The following MEGF10 variants were observed in gnomAD, a reference collection of about 807,000 sequenced individuals.
MEGF10 encodes the protein multiple EGF like domains 10.
Under a neutral mutation model 147.5 loss-of-function variants are expected in MEGF10, and 86 were observed. That is an observed-to-expected ratio of 0.58 (90% CI 0.49 to 0.70). The LOEUF (loss-of-function observed/expected upper bound fraction) is 0.70. MEGF10 is among the 30% of genes least tolerant of loss of function. The probability of loss-of-function intolerance (pLI) is 0.00; values close to 1 mark genes in which losing one functional copy is unlikely to be tolerated. For synonymous variants in MEGF10, 478 were observed against 525.5 expected, an observed-to-expected ratio of 0.91 and a Z score of 1.24; for missense variants, 1,329 against 1,487.3, an observed-to-expected ratio of 0.89 and a Z score of 1.75.
At chr5:127,386,382 A>G (rs977454224) in intron 5 of MEGF10, among the ~76,000 whole-genome samples, 1 of 152,204 alleles carries the variant, frequency 6.6e-6, no homozygotes, top group Non-Finnish European at 1.5e-5. Flanking sequence ...TCCAGATTTT[A>G]TTTATGACAT....
chr5:127,396,538 A>G lies in MEGF10; in HGVS notation c.419A>G (p.Asp140Gly). ...WGGTNCSSAC[D>G]GDHWGPHCTS... ...TTTCTCTCCTCAATCTCAGCCTGCG[A>G]TGGTGATCACTGGGGTCCCCACTGC... Residue 140 changes from aspartate to glycine, a missense_variant, in exon 6 of 25, where the codon GAT (aspartate) becomes GGT (glycine). Around this residue, in one of 3 missense-constraint regions of MEGF10, gnomAD observed 980 missense variants for 1,085.9 expected, o/e 0.90. Coordinates refer to ENST00000503335, the MANE Select transcript of MEGF10 (RefSeq NM_001256545.2). 2 of 1,541,510 alleles carry G rather than the reference A, an allele frequency of 1.3e-6. No homozygotes were observed. The highest frequency in any genetic ancestry group is 2.3e-5 in the East Asian group (1 of 43,592).
At chr5:127,337,496 C>G (rs1761513827) in intron 2 of MEGF10, among the ~76,000 whole-genome samples, 1 of 152,008 alleles carries the variant, frequency 6.6e-6, no homozygotes. Flanking sequence ...CCTCAGGACA[C>G]CGCTAGGGTT....
chr5:127,275,917 T>G, the MEGF10 span, among the ~76,000 whole-genome samples: 1 of 152,176 alleles, frequency 6.6e-6, no homozygotes, highest in African/African-American at 2.4e-5. Flanking sequence ...AGGATTGGTT[T>G]CACTCACCAA....
At position 127,417,813 on chromosome 5, in the gene MEGF10, G is replaced by C; in HGVS notation, c.1305+1G>C. ...GTGCACCTGTGCCCCAGGATTCAAAGTGAGTGACTAGGGCTCTGGAGGAAG... is the reference window on the plus strand; with the variant it reads ...GTGCACCTGTGCCCCAGGATTCAAACTGAGTGACTAGGGCTCTGGAGGAAG... On this transcript the variant is annotated splice_donor_variant, in intron 10 of 24. Transcript: ENST00000503335. LOFTEE classifies it high-confidence loss of function. The C allele has an allele frequency of 1.2e-6, 2 of 1,613,672 alleles. No individual in the cohort carries two copies. Among genetic ancestry groups the C allele is most frequent in the Non-Finnish European group, 1.7e-6 (2 of 1,179,978 alleles).
rs919129038 is a variant in MEGF10 at position 127,393,592 on chromosome 5, A to T, written c.413-2940A>T. On this transcript the variant is annotated intron_variant, in intron 5 of 24. Coordinates refer to ENST00000503335, the MANE Select transcript of MEGF10 (RefSeq NM_001256545.2). Reference sequence around the variant, plus strand: ...TAGACCATGTTGATGTATGGTATTCACATTGTGAGGTCCATGTATTAGTGG... The same window carrying T: ...TAGACCATGTTGATGTATGGTATTCTCATTGTGAGGTCCATGTATTAGTGG... Among the ~76,000 whole-genome samples the T allele has an allele frequency of 7.9e-5, 12 of 152,350 alleles. No homozygotes were observed. The East Asian group carries it at 2.3e-3, about 29-fold the overall frequency.
the MEGF10 span, among the ~76,000 whole-genome samples, chr5:127,263,109 AT>A: frequency 0.017 from 2,513 of 152,282 alleles, 60 homozygotes; most frequent in East Asian, 0.086. Flanking sequence ...GCTTTTCTTA[AT>A]TTCAAAACAA....
At chr5:127,369,118 T>C (rs1762757227) in intron 4 of MEGF10, among the ~76,000 whole-genome samples, 1 of 152,138 alleles carries the variant, frequency 6.6e-6, no homozygotes, top group African/African-American at 2.4e-5. Flanking sequence ...CCCCAAACCC[T>C]TTAAGTCGTT....
intron 12 of MEGF10, among the ~76,000 whole-genome samples, chr5:127,421,407 C>T (rs116787642): frequency 2.2e-3 from 337 of 152,284 alleles, no homozygotes; most frequent in African/African-American, 7.8e-3. Flanking sequence ...TATGCTGGTT[C>T]CCATGTTCCT....
At position 127,396,785 on chromosome 5, in the gene MEGF10, C is replaced by A. The variant is rs769881080; in HGVS notation, c.659+7C>A. 3 of 1,610,558 alleles carry A rather than the reference C, an allele frequency of 1.9e-6. No individual in the cohort carries two copies. In the South Asian group the frequency reaches 3.3e-5, roughly 18 times the overall value. The stretch of plus-strand genomic sequence containing the variant: ...CAGGATACACCGGAGCCTTGTAAGT[C>A]ACATGCTGCCCAGCAGCAGAGCAGA... On this transcript the variant is annotated splice_region_variant and intron_variant, in intron 6 of 24. Coordinates refer to ENST00000503335, the MANE Select transcript of MEGF10 (RefSeq NM_001256545.2).
At chr5:127,443,671 T>C in intron 19 of MEGF10, among the ~76,000 whole-genome samples, 1 of 152,242 alleles carries the variant, frequency 6.6e-6, no homozygotes, top group East Asian at 1.9e-4. Flanking sequence ...TAGAATTTTA[T>C]ATAAATGAAA....
the MEGF10 span, among the ~76,000 whole-genome samples, chr5:127,282,014 C>G: frequency 6.6e-6 from 1 of 152,356 alleles, no homozygotes; most frequent in African/African-American, 2.4e-5. Context: ...TGCCTACTAT[C>G]TCTTTCCAAT....
chr5:127,357,759 TAGGGCCC>T (rs1400580630), intron 4 of MEGF10, among the ~76,000 whole-genome samples: 1 of 152,130 alleles, frequency 6.6e-6, no homozygotes, highest in African/African-American at 2.4e-5. Flanking sequence ...GTAGGGGTTT[TAGGGCCC>T]ATACAATTTT....
chr5:127,394,116 G>T (rs1012207093), intron 5 of MEGF10, among the ~76,000 whole-genome samples: 3 of 152,124 alleles, frequency 2.0e-5, no homozygotes, highest in African/African-American at 7.2e-5. Flanking sequence ...TTTTATCAAA[G>T]TAATTTTTAT....
At chr5:127,240,239 A>C in the MEGF10 span, among the ~76,000 whole-genome samples, 1 of 152,166 alleles carries the variant, frequency 6.6e-6, no homozygotes, top group Non-Finnish European at 1.5e-5. Flanking sequence ...TCAGTTCAAT[A>C]TCACTTCTTT....
intron 24 of MEGF10, 49 bp from the exon 25 acceptor site, chr5:127,457,079 T>TA: frequency 6.6e-7 from 1 of 1,504,164 alleles, no homozygotes; most frequent in Non-Finnish European, 8.9e-7. Flanking sequence ...ATATTCTTTT[T>TA]AAAAACATTT....
At chr5:127,401,809 G>A (rs567540793) in intron 7 of MEGF10, among the ~76,000 whole-genome samples, 1 of 152,288 alleles carries the variant, frequency 6.6e-6, no homozygotes, top group South Asian at 2.1e-4. Flanking sequence ...TAAATATAAT[G>A]ACTGTGCTTG....
chr5:127,298,001 G>A (rs572103971), intron 1 of MEGF10, among the ~76,000 whole-genome samples: 40 of 152,264 alleles, frequency 2.6e-4, no homozygotes, highest in Admixed American at 2.6e-4. Context: ...AAAATGATCC[G>A]AAGCCACTCA....
intron 4 of MEGF10, among the ~76,000 whole-genome samples, chr5:127,352,428 G>A (rs768943739): frequency 1.3e-4 from 20 of 152,148 alleles, no homozygotes; most frequent in Non-Finnish European, 2.5e-4. Flanking sequence ...TTGGGAGGCC[G>A]AGGCAGGCAG....
rs768863428 is a variant in MEGF10 at position 127,438,450 on chromosome 5, G to T, written c.2116G>T (p.Ala706Ser). Reference protein sequence around the residue: ...GSDCSQPCPPAHWGPNCIHTC... With the variant: ...GSDCSQPCPPSHWGPNCIHTC... ...ACCTGTAATTTCAGCATGTCCACCT[G>T]CCCACTGGGGCCCAAACTGCATCCA... Residue 706 changes from alanine (A) to serine (S), a missense_variant, in exon 17 of 25, where the codon GCC (alanine) becomes TCC (serine). Physicochemically the swap from Ala to Ser is moderately conservative, Grantham distance 99. Transcript: ENST00000503335. The T allele has an allele frequency of 6.2e-7, 1 of 1,613,988 alleles. No individual in the cohort carries two copies. The highest frequency in any genetic ancestry group is 8.5e-7 in the Non-Finnish European group (1 of 1,179,920).
Sources: gnomAD v4.1 joint callset for allele counts (sites outside exome capture counted in the v4.1 genomes callset) on GRCh38, gnomAD v4.1.1 for gene constraint, gnomAD v4.1.1 regional missense constraint, MANE v1.5 for transcripts, NCBI Gene and HGNC (gene_info 2026-07-23, HGNC 2026-07-21) for gene names.